NEXN: variants seen among roughly 807,000 people sequenced by gnomAD.
NEXN encodes nexilin F-actin binding protein, also known as nexilin.
NEXN carries 65 observed loss-of-function variants against 92.6 expected under a neutral mutation model. The observed-to-expected ratio is 0.70, with a 90% CI of 0.57 to 0.86. The LOEUF is 0.86. Among genes scored for constraint, NEXN ranks in the 40% least tolerant of loss-of-function variants. The pLI, the probability that NEXN is intolerant of heterozygous loss-of-function variation, is 0.00. For missense variants in NEXN, 778 were observed against 771.1 expected, an observed-to-expected ratio of 1.01 and a Z score of -0.11; for synonymous variants, 254 against 242.5, an observed-to-expected ratio of 1.05 and a Z score of -0.44.
intron 11 of NEXN, among the ~76,000 whole-genome samples, chr1:77,937,342 T>TCTATATAGCTGGATCATGCTGAAG (rs1168581512): frequency 1.3e-5 from 2 of 151,848 alleles, no homozygotes; most frequent in East Asian, 3.9e-4. Flanking sequence ...ACAGATATTG[T>TCTATATAGCTGGATCATGCTGAAG]CTATATAGCT....
intron 1 of NEXN, among the ~76,000 whole-genome samples, chr1:77,895,194 G>A (rs963324766): frequency 3.3e-5 from 5 of 151,246 alleles, no homozygotes; most frequent in Non-Finnish European, 4.4e-5. Flanking sequence ...ACAGGCACCC[G>A]CCACCATGAT....
intron 1 of NEXN, among the ~76,000 whole-genome samples, chr1:77,893,353 G>A (rs894591257): frequency 2.6e-5 from 4 of 152,140 alleles, no homozygotes; most frequent in African/African-American, 4.8e-5. Context: ...ATCATCTTCC[G>A]CTTGCAGAGA....
chr1:77,917,511 A>C, intron 2 of NEXN, 55 bp from the exon 3 acceptor site: 1 of 1,265,056 alleles, frequency 7.9e-7, no homozygotes, highest in South Asian at 1.2e-5. Flanking sequence ...ATCTTTACCT[A>C]ATTTCTTCCT....
chr1:77,906,203 G>A (rs1046353562), intron 1 of NEXN, among the ~76,000 whole-genome samples: 4 of 152,134 alleles, frequency 2.6e-5, no homozygotes, highest in African/African-American at 9.7e-5. Context: ...AGAGTATCAA[G>A]TGTAGCAGTG....
chr1:77,893,513 A>G (rs1647154042), intron 1 of NEXN, among the ~76,000 whole-genome samples: 1 of 152,112 alleles, frequency 6.6e-6, no homozygotes, highest in Non-Finnish European at 1.5e-5. Context: ...GTGCATCTAG[A>G]TCATCAGTCT....
At chr1:77,936,066 C>G (rs1443684380) in intron 11 of NEXN, 22 bp downstream of exon 11, 6 of 1,493,758 alleles carry the variant, frequency 4.0e-6, no homozygotes, top group Non-Finnish European at 5.6e-6. Context: ...TTATATTTAA[C>G]ATAGTTATGG....
intron 1 of NEXN, among the ~76,000 whole-genome samples, chr1:77,900,080 T>G (rs138880469): frequency 6.6e-6 from 1 of 152,290 alleles, no homozygotes; most frequent in East Asian, 1.9e-4. Flanking sequence ...AACTTTTTAT[T>G]AATATGGTGC....
chr1:77,918,376 C>T, intron 5 of NEXN, 103 bp downstream of exon 5: 1 of 1,338,630 alleles, frequency 7.5e-7, no homozygotes, highest in Non-Finnish European at 1.1e-6. Context: ...TAACATAAAC[C>T]TATTAAAAAG....
chr1:77,933,174 C>A, intron 9 of NEXN, 108 bp from the exon 10 acceptor site: 1 of 810,714 alleles, frequency 1.2e-6, no homozygotes, highest in Non-Finnish European at 2.0e-6. Context: ...AAAACAAAAA[C>A]AAAAACTAAA....
intron 1 of NEXN, among the ~76,000 whole-genome samples, chr1:77,898,540 C>T (rs918160388): frequency 5.9e-5 from 9 of 152,128 alleles, no homozygotes; most frequent in African/African-American, 1.9e-4. Context: ...AAATGTTAGA[C>T]CTAAAAGCAT....
At position 77,943,106 on chromosome 1, in the gene NEXN, T is replaced by C; in HGVS notation, c.*277T>C. The C allele has an allele frequency of 7.1e-6, 3 of 420,266 alleles. No homozygotes were observed. The highest frequency in any genetic ancestry group is 6.3e-5 in the South Asian group (3 of 47,992). The allele number at this position is 420,266 out of a possible 1,614,324, so 26.0% of individuals were successfully genotyped here. ...CTTTTCCAAATAAGCATCAGATTTATCGCCTATTATGCAGTAACAGTCAAT... is the reference window on the plus strand; with the variant it reads ...CTTTTCCAAATAAGCATCAGATTTACCGCCTATTATGCAGTAACAGTCAAT... On this transcript the variant is annotated 3_prime_UTR_variant, in exon 13 of 13. Coordinates refer to ENST00000334785, the MANE Select transcript of NEXN (RefSeq NM_144573.4).
chr1:77,895,965 CAGGAGTTGGAG>C (rs1329852664), intron 1 of NEXN, among the ~76,000 whole-genome samples: 2 of 151,880 alleles, frequency 1.3e-5, no homozygotes, highest in African/African-American at 4.8e-5. Flanking sequence ...CACTTGAGGT[CAGGAGTTGGAG>C]ACCAGCTTGG....
chr1:77,897,018 A>G (rs1647295972), intron 1 of NEXN, among the ~76,000 whole-genome samples: 1 of 152,232 alleles, frequency 6.6e-6, no homozygotes, highest in Admixed American at 6.5e-5. Flanking sequence ...GCAATAATCA[A>G]TAGCTTACCA....
chr1:77,929,471 AAAG>A lies in NEXN; in HGVS notation c.1024_1026del (p.Lys342del). 4 of 1,613,196 alleles carry A rather than the reference AAAG, an allele frequency of 2.5e-6. No homozygotes were observed. The highest frequency in any genetic ancestry group is 3.4e-6 in the Non-Finnish European group (4 of 1,179,822). On this transcript the variant is annotated inframe_deletion, in exon 9 of 13. Coordinates refer to ENST00000334785, the MANE Select transcript of NEXN (RefSeq NM_144573.4). ...AAGCCAGAAGGAGAATAGAGGAAGA[AAAG>A]AAGGCGTTTGCTGAAGCAAGGAGAA... is the stretch of plus-strand genomic sequence containing the variant.
chr1:77,894,714 CT>C (rs531856927), intron 1 of NEXN, among the ~76,000 whole-genome samples: 3 of 151,132 alleles, frequency 2.0e-5, no homozygotes, highest in East Asian at 1.9e-4. Context: ...CTATAGTATA[CT>C]TTTTTTTCCT....
At chr1:77,904,937 C>T (rs1425846999) in intron 1 of NEXN, among the ~76,000 whole-genome samples, 3 of 152,092 alleles carry the variant, frequency 2.0e-5, no homozygotes, top group Non-Finnish European at 4.4e-5. Flanking sequence ...TTTCTCAGTG[C>T]CCAGTAGAGT....
At chr1:77,901,902 G>C (rs1361971887) in intron 1 of NEXN, among the ~76,000 whole-genome samples, 2 of 152,132 alleles carry the variant, frequency 1.3e-5, no homozygotes, top group African/African-American at 4.8e-5. Flanking sequence ...CCCAGCTAAA[G>C]CTAATTTTTA....
chr1:77,904,613 C>T (rs928981045), intron 1 of NEXN, among the ~76,000 whole-genome samples: 1 of 152,070 alleles, frequency 6.6e-6, no homozygotes, highest in African/African-American at 2.4e-5. Context: ...CAACTGATCC[C>T]CTGCAATCTG....
intron 5 of NEXN, among the ~76,000 whole-genome samples, chr1:77,922,140 C>CT (rs11365279): frequency 2.9e-4 from 33 of 111,914 alleles, no homozygotes; most frequent in South Asian, 5.9e-4. Context: ...AAAGAGAAGT[C>CT]TTTTTTTTTT....
Sources: gnomAD v4.1 joint callset for allele counts (sites outside exome capture counted in the v4.1 genomes callset) on GRCh38, gnomAD v4.1.1 for gene constraint, MANE v1.5 for transcripts, NCBI Gene and HGNC (gene_info 2026-07-23, HGNC 2026-07-21) for gene names.